Variants in CMIP observed in about 807,000 individuals in gnomAD.
CMIP encodes the protein c-Maf inducing protein.
CMIP carries 13 observed loss-of-function variants against 97.3 expected under a neutral mutation model. The ratio of observed to expected loss-of-function variants is 0.13; its 90% CI spans 0.09 to 0.21. The LOEUF is 0.21. Among genes scored for constraint, CMIP ranks in the 10% least tolerant of loss-of-function variants. The probability of loss-of-function intolerance (pLI) is 1.00; values close to 1 mark genes in which losing one functional copy is unlikely to be tolerated. For missense variants in CMIP, 847 were observed against 1,024.9 expected, an observed-to-expected ratio of 0.83 and a Z score of 2.37; for synonymous variants, 538 against 436.3, an observed-to-expected ratio of 1.23 and a Z score of -2.91.
At chr16:81,447,398 G>T (rs1905925400) in intron 1 of CMIP, among the ~76,000 whole-genome samples, 1 of 152,132 alleles carries the variant, frequency 6.6e-6, no homozygotes, top group Non-Finnish European at 1.5e-5. Context: ...CTACCGTCCT[G>T]TTTCCGGAAA....
At chr16:81,686,376 G>C (rs1171390193) in intron 10 of CMIP, among the ~76,000 whole-genome samples, 4 of 152,194 alleles carry the variant, frequency 2.6e-5, no homozygotes, top group Admixed American at 2.6e-4. Flanking sequence ...CTGCAGCTCT[G>C]AGAACCCCAG....
At chr16:81,558,637 C>T (rs1341960065) in intron 1 of CMIP, among the ~76,000 whole-genome samples, 4 of 152,132 alleles carry the variant, frequency 2.6e-5, no homozygotes, top group Non-Finnish European at 4.4e-5. Context: ...AGACAGGAGG[C>T]GTGGGGAGGA....
At chr16:81,481,214 AC>A (rs1181490202) in intron 1 of CMIP, among the ~76,000 whole-genome samples, 3 of 152,172 alleles carry the variant, frequency 2.0e-5, no homozygotes, top group African/African-American at 7.2e-5. Context: ...CGGTGATGAG[AC>A]AGGCACAGTC....
intron 1 of CMIP, among the ~76,000 whole-genome samples, chr16:81,578,876 C>T (rs1466057668): frequency 6.6e-6 from 1 of 152,234 alleles, no homozygotes; most frequent in African/African-American, 2.4e-5. Flanking sequence ...GGAGACCTGG[C>T]CTGCGAGGTC....
chr16:81,465,388 C>T (rs955474539), intron 1 of CMIP, among the ~76,000 whole-genome samples: 1 of 152,148 alleles, frequency 6.6e-6, no homozygotes, highest in South Asian at 2.1e-4. Context: ...ACTTTCACTA[C>T]CACCAGGTTG....
intron 1 of CMIP, among the ~76,000 whole-genome samples, chr16:81,541,769 T>A (rs1597531573): frequency 6.6e-6 from 1 of 152,224 alleles, no homozygotes. Flanking sequence ...TGAGGGGGTC[T>A]TCAGAGAAAC....
chr16:81,644,944 G>T (rs192824666), intron 3 of CMIP, among the ~76,000 whole-genome samples: 126 of 152,310 alleles, frequency 8.3e-4, no homozygotes, highest in African/African-American at 2.9e-3. Context: ...AGGCAAACAT[G>T]CATGCTCCTG....
chr16:81,559,077 A>G (rs982256651), intron 1 of CMIP, among the ~76,000 whole-genome samples: 1 of 152,242 alleles, frequency 6.6e-6, no homozygotes, highest in East Asian at 1.9e-4. Context: ...GCCCAGAGCC[A>G]CCAGGACTTC....
chr16:81,532,920 G>A (rs970337541), intron 1 of CMIP, among the ~76,000 whole-genome samples: 1 of 152,106 alleles, frequency 6.6e-6, no homozygotes, highest in African/African-American at 2.4e-5. Context: ...CTGCCTCCTT[G>A]GACACGCCAA....
At chr16:81,572,800 G>A (rs919903922) in intron 1 of CMIP, among the ~76,000 whole-genome samples, 5 of 152,096 alleles carry the variant, frequency 3.3e-5, no homozygotes, top group South Asian at 2.1e-4. Flanking sequence ...GAATGACGGC[G>A]GTTCACATCG....
rs762973391 is a variant in CMIP at position 81,706,998 on chromosome 16, T to A, written c.2198-16T>A. ...GGGCCTCGCTCTCCTAACAACTGTA[T>A]CTGTCTCTTGTGCAGCCATGAAGAG... is the stretch of plus-strand genomic sequence containing the variant. On this transcript the variant is annotated splice_polypyrimidine_tract_variant and intron_variant, in intron 19 of 20. Transcript: ENST00000537098. 6.2e-7 allele frequency: 1 copy of A among 1,612,702 alleles called. No homozygotes were observed. The highest frequency in any genetic ancestry group is 2.2e-5 in the East Asian group (1 of 44,850).
intron 6 of CMIP, among the ~76,000 whole-genome samples, chr16:81,661,408 G>A (rs1402738536): frequency 6.6e-6 from 1 of 152,278 alleles, no homozygotes; most frequent in Non-Finnish European, 1.5e-5. Flanking sequence ...GCCTTGCAGT[G>A]GGATTCACAT....
intron 1 of CMIP, among the ~76,000 whole-genome samples, chr16:81,568,039 G>GTTTT (rs1555531346): frequency 4.8e-5 from 4 of 82,532 alleles, no homozygotes; most frequent in African/African-American, 1.4e-4. Context: ...GTGTGTGTGT[G>GTTTT]TTTTTTTTTT....
Position 81,645,664 on chromosome 16 carries a change from C to T in CMIP, c.478-6539C>T, listed in dbSNP as rs1028480747. 138 of 1,515,258 alleles carry T rather than the reference C, an allele frequency of 9.1e-5. 4 individuals are homozygous for T. The South Asian group carries it at 1.5e-3, about 17-fold the overall frequency. 93.9% of individuals were successfully genotyped at this position (1,515,258 alleles called of 1,614,324 possible). A position where few individuals can be genotyped will look rare whatever the true frequency, so the allele number is the denominator to read the frequency against. On this transcript the variant is annotated intron_variant, in intron 3 of 20. Transcript: ENST00000537098. ...CGCTGGAGTGGCTGACTCTGCCAGACGGGAAGCAGGAGGCTCTGCCTGCTG... is the reference window on the plus strand; with the variant it reads ...CGCTGGAGTGGCTGACTCTGCCAGATGGGAAGCAGGAGGCTCTGCCTGCTG...
At chr16:81,678,215 G>T in intron 9 of CMIP, 60 bp from the exon 10 acceptor site, 2 of 1,314,220 alleles carry the variant, frequency 1.5e-6, no homozygotes, top group South Asian at 1.4e-5. Flanking sequence ...AGTCTGATGG[G>T]TCATGGTGCA....
chr16:81,479,680 A>G (rs115503710), intron 1 of CMIP, among the ~76,000 whole-genome samples: 211 of 152,222 alleles, frequency 1.4e-3, no homozygotes, highest in African/African-American at 5.0e-3. Context: ...CATAAAATCA[A>G]CCATTTTAAA....
intron 3 of CMIP, among the ~76,000 whole-genome samples, chr16:81,625,463 AG>A (rs746834876): frequency 4.3e-4 from 66 of 152,324 alleles, no homozygotes; most frequent in Non-Finnish European, 6.6e-4. Flanking sequence ...CTGTGGTGAC[AG>A]GCCTGTCTGC....
intron 1 of CMIP, among the ~76,000 whole-genome samples, chr16:81,483,567 C>T (rs1056871263): frequency 7.6e-6 from 1 of 131,406 alleles, no homozygotes; most frequent in Admixed American, 7.2e-5. Context: ...CCCGCAGCCT[C>T]TTCCTCTTCC....
intron 1 of CMIP, among the ~76,000 whole-genome samples, chr16:81,474,849 C>T (rs1209010417): frequency 6.6e-6 from 1 of 152,236 alleles, no homozygotes; most frequent in East Asian, 1.9e-4. Context: ...TGCCCTGCCT[C>T]CAGCCATGGG....
Sources: gnomAD v4.1 joint callset for allele counts (sites outside exome capture counted in the v4.1 genomes callset) on GRCh38, gnomAD v4.1.1 for gene constraint, MANE v1.5 for transcripts, NCBI Gene and HGNC (gene_info 2026-07-23, HGNC 2026-07-21) for gene names.